Variants in ADGRL3 observed in about 807,000 individuals in gnomAD.
ADGRL3 encodes the protein adhesion G protein-coupled receptor L3.
In ADGRL3, 62 loss-of-function variants were observed where a neutral mutation model predicts 153.5. The ratio of observed to expected loss-of-function variants is 0.40; its 90% CI spans 0.33 to 0.50. The LOEUF is 0.50. Among genes scored for constraint, ADGRL3 ranks in the 20% least tolerant of loss-of-function variants. The pLI is 0.47. For missense variants in ADGRL3, 1,641 were observed against 1,859.4 expected, an observed-to-expected ratio of 0.88 and a Z score of 2.16; for synonymous variants, 710 against 672.5, an observed-to-expected ratio of 1.06 and a Z score of -0.86.
chr4:61,485,290 A>C (rs1012662754), intron 2 of ADGRL3, among the ~76,000 whole-genome samples: 1 of 152,230 alleles, frequency 6.6e-6, no homozygotes. Flanking sequence ...TGTGAATTGC[A>C]AAAGAGACCA....
intron 9 of ADGRL3, among the ~76,000 whole-genome samples, chr4:61,835,861 G>A (rs574646390): frequency 6.6e-6 from 1 of 152,178 alleles, no homozygotes; most frequent in Non-Finnish European, 1.5e-5. Flanking sequence ...ACAGCATTGG[G>A]CAGTTTCTAT....
intron 4 of ADGRL3, among the ~76,000 whole-genome samples, chr4:61,545,013 G>T (rs1166921848): frequency 6.6e-6 from 1 of 151,914 alleles, no homozygotes; most frequent in African/African-American, 2.4e-5. Flanking sequence ...CTGGAAGTTT[G>T]TTCAACTTAG....
Position 61,257,025 on chromosome 4 carries a change from C to T in ADGRL3, c.-240+55260C>T, listed in dbSNP as rs1394410951. On this transcript the variant is annotated intron_variant, in intron 1 of 26. Coordinates refer to ENST00000683033, the MANE Select transcript of ADGRL3 (RefSeq NM_001387552.1). ...ATGAAAATTATAACACAGTATTTCC[C>T]AGCTGAACACAAAAGTATGCTGAAA... Among the ~76,000 whole-genome samples, 5 of 152,198 alleles carry T rather than the reference C, an allele frequency of 3.3e-5. No homozygotes were observed. The East Asian group carries it at 9.7e-4, about 29-fold the overall frequency.
intron 6 of ADGRL3, among the ~76,000 whole-genome samples, chr4:61,715,927 G>A (rs553303310): frequency 7.5e-6 from 1 of 133,528 alleles, no homozygotes; most frequent in South Asian, 2.6e-4. Flanking sequence ...GGAAAAGGGA[G>A]AGTTTGTTTG....
intron 23 of ADGRL3, among the ~76,000 whole-genome samples, chr4:62,035,761 T>G (rs1356694206): frequency 6.6e-6 from 1 of 152,088 alleles, no homozygotes; most frequent in Non-Finnish European, 1.5e-5. Flanking sequence ...ATCTTAGAGC[T>G]TTTTGATCAT....
chr4:61,223,182 GTTC>G (rs1746450056), intron 1 of ADGRL3, among the ~76,000 whole-genome samples: 2 of 152,122 alleles, frequency 1.3e-5, no homozygotes, highest in African/African-American at 2.4e-5. Flanking sequence ...GTTTTGAAGG[GTTC>G]TTCTTAATTA....
In ADGRL3 at chr4:61,357,294, A is replaced by T. The variant is rs116120725; in HGVS notation, c.-239-25830A>T. ...TTAGGAATACGAAAACTATTTTCTGAAAAGTTGAATTCCAATATAATTATA... is the reference window on the plus strand; with the variant it reads ...TTAGGAATACGAAAACTATTTTCTGTAAAGTTGAATTCCAATATAATTATA... On this transcript the variant is annotated intron_variant, in intron 1 of 26. Transcript: ENST00000683033. Among the ~76,000 whole-genome samples the T allele has an allele frequency of 3.9e-3, 587 of 152,238 alleles. 8 individuals are homozygous for T. The highest frequency in any genetic ancestry group is 0.014 in the African/African-American group (562 of 41,556).
intron 5 of ADGRL3, among the ~76,000 whole-genome samples, chr4:61,664,674 T>C (rs1204595560): frequency 2.0e-5 from 3 of 152,196 alleles, no homozygotes; most frequent in African/African-American, 7.2e-5. Flanking sequence ...ATGCCTCATA[T>C]CATATACATT....
intron 6 of ADGRL3, among the ~76,000 whole-genome samples, chr4:61,717,546 G>T (rs1330605016): frequency 6.6e-6 from 1 of 152,088 alleles, no homozygotes; most frequent in East Asian, 1.9e-4. Context: ...CTGTGAAATG[G>T]TGATAATATA....
chr4:61,908,670 T>C lies in ADGRL3; in HGVS notation c.1888-890T>C, dbSNP rs529639251. 2.6e-5 allele frequency among the ~76,000 whole-genome samples: 4 copies of C among 152,180 alleles called. No homozygotes were observed. The South Asian group carries it at 8.3e-4, about 32-fold the overall frequency. The stretch of plus-strand genomic sequence containing the variant: ...TAGCAAGGTGAAATAGAGATGTTCA[T>C]TATTTTTACTTTGTACACTTTTTAT... On this transcript the variant is annotated intron_variant, in intron 11 of 26. Transcript: ENST00000683033.
chr4:61,302,661 A>G (rs1370409810), intron 1 of ADGRL3, among the ~76,000 whole-genome samples: 1 of 152,122 alleles, frequency 6.6e-6, no homozygotes, highest in East Asian at 1.9e-4. Context: ...ATTTTAAAAT[A>G]CCCAGAAAAC....
In ADGRL3 at chr4:61,460,650, A is replaced by G. The variant is rs571554567; in HGVS notation, c.-173-36471A>G. ...ATATATAAAGAAAAAGGGGTTTAGT[A>G]TACTCACAGTTCCACATGGCTGGGG... On this transcript the variant is annotated intron_variant, in intron 2 of 26. Transcript: ENST00000683033. 1.1e-4 allele frequency among the ~76,000 whole-genome samples: 16 copies of G among 152,262 alleles called. No homozygotes were observed. In the East Asian group the frequency reaches 2.5e-3, roughly 24 times the overall value.
intron 1 of ADGRL3, among the ~76,000 whole-genome samples, chr4:61,381,626 G>A (rs2096669898): frequency 6.6e-6 from 1 of 151,544 alleles, no homozygotes; most frequent in South Asian, 2.1e-4. Context: ...CCAGATGGGA[G>A]GGAAAAAAAT....
intron 24 of ADGRL3, among the ~76,000 whole-genome samples, chr4:62,042,210 G>A (rs1464554769): frequency 1.3e-5 from 2 of 151,740 alleles, no homozygotes; most frequent in Non-Finnish European, 2.9e-5. Flanking sequence ...AGAGCCTCAA[G>A]CCTAATGCAG....
At chr4:61,206,554 C>T (rs1737281501) in intron 1 of ADGRL3, among the ~76,000 whole-genome samples, 1 of 152,096 alleles carries the variant, frequency 6.6e-6, no homozygotes, top group Non-Finnish European at 1.5e-5. Flanking sequence ...TGGAGTTTTC[C>T]AGAAGGTATA....
At position 61,526,404 on chromosome 4, in the gene ADGRL3, C is replaced by CT. The variant is rs112235402; in HGVS notation, c.259+8897dup. Among the ~76,000 whole-genome samples the CT allele has an allele frequency of 3.2e-3, 470 of 145,870 alleles. 1 individual carries two copies. The highest frequency in any genetic ancestry group is 9.7e-3 in the African/African-American group (389 of 39,910). ...TTTGCTCCATTTTGAAATTGTTATA[C>CT]TTTTTTTTTTTGCTTTTGATCATTG... On this transcript the variant is annotated intron_variant, in intron 4 of 26. Coordinates refer to ENST00000683033, the MANE Select transcript of ADGRL3 (RefSeq NM_001387552.1).
chr4:61,731,716 C>A (rs2096445908), intron 7 of ADGRL3, among the ~76,000 whole-genome samples: 2 of 152,112 alleles, frequency 1.3e-5, no homozygotes, highest in African/African-American at 4.8e-5. Context: ...ATTTCTTACA[C>A]ACATGTGGCT....
rs534507057 is a variant in ADGRL3, at chr4:61,584,411, G to T, written c.260-2816G>T. ...GGACCCCGACATTTTAACTGACTTT[G>T]CAACTGCCTAGTGTCTGGTACTAAA... is the stretch of plus-strand genomic sequence containing the variant. On this transcript the variant is annotated intron_variant, in intron 4 of 26. Coordinates refer to ENST00000683033, the MANE Select transcript of ADGRL3 (RefSeq NM_001387552.1). Among the ~76,000 whole-genome samples the T allele has an allele frequency of 3.3e-5, 5 of 152,040 alleles. No homozygotes were observed. In the South Asian group the frequency reaches 1.0e-3, roughly 32 times the overall value.
Position 61,497,158 on chromosome 4 carries a change from A to G in ADGRL3, c.-136A>G. On this transcript the variant is annotated 5_prime_UTR_variant, in exon 3 of 27. Transcript: ENST00000683033. Reference sequence around the variant, plus strand: ...GGATATTGGTGTTTCTGTTTTGGAGAAATTATTCTTTTTCTTTTTAATTTG... The same window carrying G: ...GGATATTGGTGTTTCTGTTTTGGAGGAATTATTCTTTTTCTTTTTAATTTG... 1 of 602,244 alleles carries G rather than the reference A, an allele frequency of 1.7e-6. No individual in the cohort carries two copies. The highest frequency in any genetic ancestry group is 2.9e-6 in the Non-Finnish European group (1 of 349,544). 37.3% of individuals were successfully genotyped at this position (602,244 alleles called of 1,614,324 possible). A position where few individuals can be genotyped will look rare whatever the true frequency, so the allele number is the denominator to read the frequency against.
Sources: gnomAD v4.1 joint callset for allele counts (sites outside exome capture counted in the v4.1 genomes callset) on GRCh38, gnomAD v4.1.1 for gene constraint, MANE v1.5 for transcripts, NCBI Gene and HGNC (gene_info 2026-07-23, HGNC 2026-07-21) for gene names.